Variants in CAMK2G observed in about 807,000 individuals in gnomAD.
The protein encoded by CAMK2G is calcium/calmodulin-dependent protein kinase type II subunit gamma.
Under a neutral mutation model 88.7 loss-of-function variants are expected in CAMK2G, and 23 were observed. The ratio of observed to expected loss-of-function variants is 0.26; its 90% CI spans 0.19 to 0.37. The LOEUF (loss-of-function observed/expected upper bound fraction) is 0.37, where lower values mean the gene tolerates loss of function less well. Ranked by LOEUF, CAMK2G falls within the 10% of genes least tolerant of loss-of-function variation. The probability of loss-of-function intolerance (pLI) is 1.00; values close to 1 mark genes in which losing one functional copy is unlikely to be tolerated. For missense variants in CAMK2G, 476 were observed against 780.8 expected, an observed-to-expected ratio of 0.61 and a Z score of 4.65; for synonymous variants, 263 against 294.8, an observed-to-expected ratio of 0.89 and a Z score of 1.11.
chr10:73,840,818 C>T (rs987570025), intron 12 of CAMK2G, among the ~76,000 whole-genome samples: 2 of 152,214 alleles, frequency 1.3e-5, no homozygotes, highest in Admixed American at 6.5e-5. Flanking sequence ...AACACCGAAA[C>T]GCCCTTCAAT....
chr10:73,870,260 C>A (rs941265291), intron 2 of CAMK2G, among the ~76,000 whole-genome samples: 1 of 152,218 alleles, frequency 6.6e-6, no homozygotes, highest in Admixed American at 6.5e-5. Flanking sequence ...AGCTTGGAAC[C>A]ATGGGCTCCC....
At chr10:73,873,216 C>T in intron 1 of CAMK2G, 133 bp from the exon 2 acceptor site, 2 of 948,916 alleles carry the variant, frequency 2.1e-6, no homozygotes. Flanking sequence ...CACACACCGG[C>T]GCTGTGACCA....
intron 2 of CAMK2G, among the ~76,000 whole-genome samples, chr10:73,861,213 C>A (rs1161139121): frequency 1.3e-5 from 2 of 152,174 alleles, no homozygotes; most frequent in Non-Finnish European, 2.9e-5. Context: ...TTATGACCAC[C>A]TTTTCCAGAT....
chr10:73,865,105 C>CA (rs1240345476), intron 2 of CAMK2G, among the ~76,000 whole-genome samples: 1 of 152,232 alleles, frequency 6.6e-6, no homozygotes, highest in Non-Finnish European at 1.5e-5. Context: ...CCACAGCTAT[C>CA]ACCAGAGACA....
intron 13 of CAMK2G, among the ~76,000 whole-genome samples, chr10:73,838,924 G>C (rs1407782549): frequency 6.6e-6 from 1 of 152,222 alleles, no homozygotes; most frequent in Non-Finnish European, 1.5e-5. Context: ...TGCACAGGCA[G>C]GGCTGAGAGC....
At chr10:73,828,408 A>C (rs1288767508) in intron 14 of CAMK2G, among the ~76,000 whole-genome samples, 4 of 152,166 alleles carry the variant, frequency 2.6e-5, no homozygotes, top group Non-Finnish European at 5.9e-5. Flanking sequence ...TCTTAAGGAG[A>C]TTAAGACACA....
At chr10:73,829,968 A>C (rs1335695874) in intron 14 of CAMK2G, among the ~76,000 whole-genome samples, 1 of 152,116 alleles carries the variant, frequency 6.6e-6, no homozygotes, top group African/African-American at 2.4e-5. Flanking sequence ...CTGCGTAGGC[A>C]CTCACTCACC....
chr10:73,857,605 A>G (rs557319759), intron 3 of CAMK2G, among the ~76,000 whole-genome samples: 14 of 152,326 alleles, frequency 9.2e-5, no homozygotes, highest in Non-Finnish European at 1.6e-4. Context: ...TAAAAGTTTG[A>G]GAAGTGCTGC....
rs917155193 is a variant in CAMK2G at position 73,828,219 on chromosome 10, C to T, written c.1054-98G>A. 3.0e-6 allele frequency: 3 copies of T among 1,001,578 alleles called. No homozygotes were observed. The African/African-American group carries it at 4.8e-5, about 16-fold the overall frequency. 62.0% of individuals were successfully genotyped at this position (1,001,578 alleles called of 1,614,324 possible). On this transcript the variant is annotated intron_variant, in intron 14 of 22. Transcript: ENST00000423381. ...GGTTAGCGCACCAGTGTGGGCTCTG[C>T]ATCAGGGAGAAAAGAGCGGAGGGAG...
chr10:73,838,066 G>A (rs1014524383), intron 13 of CAMK2G, among the ~76,000 whole-genome samples: 1 of 152,230 alleles, frequency 6.6e-6, no homozygotes, highest in Admixed American at 6.5e-5. Flanking sequence ...GTCCTCACCA[G>A]GTTCACTGGG....
chr10:73,821,557 C>A, intron 18 of CAMK2G, 125 bp downstream of exon 18: 1 of 717,304 alleles, frequency 1.4e-6, no homozygotes, highest in South Asian at 1.6e-5. Flanking sequence ...TTATACCAAG[C>A]CCTCTCCTAG....
chr10:73,852,110 C>T (rs986999729), intron 5 of CAMK2G, 144 bp downstream of exon 5: 2 of 676,680 alleles, frequency 3.0e-6, no homozygotes, highest in African/African-American at 1.8e-5. Context: ...CCCAGCTCAA[C>T]AGAATCTTTC....
intron 13 of CAMK2G, among the ~76,000 whole-genome samples, chr10:73,838,708 T>G (rs1246760091): frequency 6.6e-6 from 1 of 152,190 alleles, no homozygotes; most frequent in African/African-American, 2.4e-5. Context: ...TGTTGTTTTT[T>G]AAATGTGCTG....
chr10:73,827,844 G>A (rs566332418), intron 15 of CAMK2G, among the ~76,000 whole-genome samples: 4 of 152,300 alleles, frequency 2.6e-5, no homozygotes, highest in East Asian at 1.9e-4. Flanking sequence ...ACCCTGGGTC[G>A]CTGGGGTCTG....
chr10:73,853,130 G>C, intron 4 of CAMK2G, 62 bp downstream of exon 4: 1 of 1,501,286 alleles, frequency 6.7e-7, no homozygotes, highest in Non-Finnish European at 9.3e-7. Context: ...GCCTCTTCCT[G>C]AGCCTTCATT....
intron 2 of CAMK2G, 107 bp from the exon 3 acceptor site, chr10:73,860,996 G>C: frequency 2.5e-6 from 2 of 805,528 alleles, no homozygotes; most frequent in Non-Finnish European, 4.3e-6. Flanking sequence ...CATTTGTGAT[G>C]ATTTGCTGAA....
intron 4 of CAMK2G, chr10:73,852,525 C>T (rs369558157): frequency 3.6e-5 from 20 of 555,430 alleles, no homozygotes; most frequent in Non-Finnish European, 5.1e-5. Flanking sequence ...CCCTTCCTTC[C>T]GGACATTTCT....
chr10:73,862,297 ACCCC>A (rs111889953), intron 2 of CAMK2G, among the ~76,000 whole-genome samples: 4,169 of 76,026 alleles, frequency 0.055, 138 homozygotes, highest in Non-Finnish European at 0.072. Flanking sequence ...CTCCTACTCC[ACCCC>A]CCCCCCCCCC....
Position 73,814,457 on chromosome 10 carries a change from A to AGGCTGTCTCTTATACACATCTGACGCT in CAMK2G, c.*60_*61insAGCGTCAGATGTGTATAAGAGACAGCC. 6.4e-6 allele frequency: 1 copy of AGGCTGTCTCTTATACACATCTGACGCT among 156,550 alleles called. No homozygotes were observed. The highest frequency in any genetic ancestry group is 1.4e-5 in the Non-Finnish European group (1 of 70,080). 9.7% of individuals were successfully genotyped at this position (156,550 alleles called of 1,614,324 possible). A position where few individuals can be genotyped will look rare whatever the true frequency, so the allele number is the denominator to read the frequency against. ...TGCCGCTGTCACTCAGGCCCTCCAG[A>AGGCTGTCTCTTATACACATCTGACGCT]GCCACTGGCTGCGAAGGTTGGACCT... On this transcript the variant is annotated 3_prime_UTR_variant, in exon 23 of 23. Coordinates refer to ENST00000423381, the MANE Select transcript of CAMK2G (RefSeq NM_001367534.1).
Sources: gnomAD v4.1 joint callset for allele counts (sites outside exome capture counted in the v4.1 genomes callset) on GRCh38, gnomAD v4.1.1 for gene constraint, MANE v1.5 for transcripts, NCBI Gene and HGNC (gene_info 2026-07-23, HGNC 2026-07-21) for gene names.